The following IARS1 variants were observed in gnomAD, a reference collection of about 807,000 sequenced individuals.
IARS1 encodes isoleucine--tRNA ligase, cytoplasmic.
In IARS1, 124 loss-of-function variants were observed where a neutral mutation model predicts 168.2. That is an observed-to-expected ratio of 0.74 (90% CI 0.64 to 0.86). The LOEUF is 0.86. IARS1 is among the 40% of genes least tolerant of loss of function. IARS1 has a pLI of 0.00. For missense variants in IARS1, 1,452 were observed against 1,515.8 expected, an observed-to-expected ratio of 0.96 and a Z score of 0.70; for synonymous variants, 532 against 529.4, an observed-to-expected ratio of 1.00 and a Z score of -0.07.
chr9:92,287,684 C>T, intron 4 of IARS1, 107 bp downstream of exon 4: 1 of 1,256,184 alleles, frequency 8.0e-7, no homozygotes, highest in Non-Finnish European at 1.1e-6. Context: ...AACACTTTTT[C>T]TACAAAAAAT....
Position 92,256,804 on chromosome 9 carries a change from G to C in IARS1, c.2017-4C>G. On this transcript the variant is annotated splice_polypyrimidine_tract_variant and splice_region_variant and intron_variant, in intron 19 of 33. Coordinates refer to ENST00000443024, the MANE Select transcript of IARS1 (RefSeq NM_002161.6). ...AGAGAAATTCTATTTCTTCCTCCTA[G>C]GAAGGAACAATTAATGAAACACTGG... 6.2e-7 allele frequency: 1 copy of C among 1,607,084 alleles called. No homozygotes were observed. Among genetic ancestry groups the C allele is most frequent in the Non-Finnish European group, 8.5e-7 (1 of 1,175,670 alleles).
intron 9 of IARS1, among the ~76,000 whole-genome samples, chr9:92,277,154 T>A (rs186586545): frequency 8.5e-4 from 129 of 152,262 alleles, no homozygotes; most frequent in African/African-American, 2.8e-3. Context: ...TGTAAAATGA[T>A]TCCTCATACA....
intron 6 of IARS1, among the ~76,000 whole-genome samples, chr9:92,281,471 T>C (rs1408272461): frequency 1.3e-5 from 2 of 152,076 alleles, no homozygotes; most frequent in African/African-American, 2.4e-5. Flanking sequence ...AGTAGGAACA[T>C]ATGATGGAGG....
At position 92,220,005 on chromosome 9, in the gene IARS1, C is replaced by T. The variant is rs1587697022; in HGVS notation, c.3706+2515G>A. Among the ~76,000 whole-genome samples, 6 of 147,844 alleles carry T rather than the reference C, an allele frequency of 4.1e-5. No homozygotes were observed. The South Asian group carries it at 1.3e-3, about 32-fold the overall frequency. On this transcript the variant is annotated intron_variant, in intron 33 of 33. Coordinates refer to ENST00000443024, the MANE Select transcript of IARS1 (RefSeq NM_002161.6). ...GCGGCATTATTCACAATAGCAAAGACTTGGAACCAACCCAAATGTCCAACA... is the reference window on the plus strand; with the variant it reads ...GCGGCATTATTCACAATAGCAAAGATTTGGAACCAACCCAAATGTCCAACA...
At position 92,260,120 on chromosome 9, in the gene IARS1, G is replaced by T. The variant is rs746263126; in HGVS notation, c.1871+31C>A. 3.4e-6 allele frequency: 5 copies of T among 1,450,882 alleles called. No individual in the cohort carries two copies. The South Asian group carries it at 4.6e-5, about 13-fold the overall frequency. The allele number at this position is 1,450,882 out of a possible 1,614,324, so 89.9% of individuals were successfully genotyped here. A position where few individuals can be genotyped will look rare whatever the true frequency, so the allele number is the denominator to read the frequency against. Reference sequence around the variant, plus strand: ...GAGATGCTTACATAAAAAAACAATAGATACACACAAGGCAAAGCACTGGTT... The same window carrying T: ...GAGATGCTTACATAAAAAAACAATATATACACACAAGGCAAAGCACTGGTT... On this transcript the variant is annotated intron_variant, in intron 18 of 33. Coordinates refer to ENST00000443024, the MANE Select transcript of IARS1 (RefSeq NM_002161.6).
intron 10 of IARS1, among the ~76,000 whole-genome samples, chr9:92,272,354 G>C (rs1276097567): frequency 1.3e-5 from 2 of 152,180 alleles, no homozygotes; most frequent in Non-Finnish European, 1.5e-5. Flanking sequence ...GGGTAGACAG[G>C]AAAAGCCCCT....
intron 25 of IARS1, among the ~76,000 whole-genome samples, chr9:92,248,291 C>G (rs745985577): frequency 2.6e-5 from 4 of 152,148 alleles, no homozygotes; most frequent in Non-Finnish European, 5.9e-5. Context: ...AAAATGAGAA[C>G]AGCTTGAAGC....
intron 30 of IARS1, among the ~76,000 whole-genome samples, chr9:92,231,762 A>T (rs760116521): frequency 1.3e-5 from 2 of 152,090 alleles, no homozygotes; most frequent in African/African-American, 2.4e-5. Context: ...TGGTATGGTC[A>T]AAAATTAATT....
At chr9:92,238,179 C>T (rs1420466900) in intron 30 of IARS1, among the ~76,000 whole-genome samples, 1 of 152,200 alleles carries the variant, frequency 6.6e-6, no homozygotes, top group Admixed American at 6.5e-5. Context: ...GTTGGGATTA[C>T]AGGCGTGAGC....
At position 92,228,988 on chromosome 9, in the gene IARS1, A is replaced by G; in HGVS notation, c.3409+13T>C. 1 of 1,613,806 alleles carries G rather than the reference A, an allele frequency of 6.2e-7. No homozygotes were observed. Among genetic ancestry groups the G allele is most frequent in the South Asian group, 1.1e-5 (1 of 90,982 alleles). On this transcript the variant is annotated intron_variant, in intron 31 of 33. Transcript: ENST00000443024. Reference sequence around the variant, plus strand: ...GAGTCAAAGGACGTAGGCTCCTCTCACTTTCCACATACCTGTTTCATCATG... The same window carrying G: ...GAGTCAAAGGACGTAGGCTCCTCTCGCTTTCCACATACCTGTTTCATCATG...
Position 92,269,995 on chromosome 9 carries a change from G to A in IARS1, c.1206-12C>T. ...GAGGAGTGTCTGATCTGGGGAAGCA[G>A]AAACACACACATAGCTGCTCAGGCT... On this transcript the variant is annotated splice_polypyrimidine_tract_variant and intron_variant, in intron 12 of 33. Transcript: ENST00000443024. 6.4e-7 allele frequency: 1 copy of A among 1,572,524 alleles called. No homozygotes were observed. Among genetic ancestry groups the A allele is most frequent in the Non-Finnish European group, 8.8e-7 (1 of 1,142,198 alleles).
chr9:92,266,739 G>A (rs1165315466), intron 14 of IARS1, among the ~76,000 whole-genome samples: 1 of 152,066 alleles, frequency 6.6e-6, no homozygotes, highest in Non-Finnish European at 1.5e-5. Context: ...CCCACCGCCC[G>A]TTTCTTCTCT....
intron 10 of IARS1, among the ~76,000 whole-genome samples, chr9:92,273,323 T>C (rs1292754277): frequency 6.6e-6 from 1 of 152,130 alleles, no homozygotes; most frequent in Non-Finnish European, 1.5e-5. Flanking sequence ...GACCAGGTAT[T>C]AGGTGATTAT....
chr9:92,255,169 G>A (rs964106990), intron 20 of IARS1, among the ~76,000 whole-genome samples: 20 of 152,164 alleles, frequency 1.3e-4, no homozygotes, highest in Admixed American at 5.9e-4. Flanking sequence ...CTGGACTGTC[G>A]TGATCCTTCT....
At position 92,258,879 on chromosome 9, in the gene IARS1, A is replaced by G. The variant is rs773520012; in HGVS notation, c.1991T>C (p.Ile664Thr). Residue 664 changes from isoleucine (I) to threonine (T), a missense_variant, in exon 19 of 34, where the codon ATC (isoleucine) becomes ACC (threonine). Coordinates refer to ENST00000443024, the MANE Select transcript of IARS1 (RefSeq NM_002161.6). ...CTTCTGGAGCCTCAGAACGTTCTGG[A>G]TTAAGAAGCGATAGGCATTGTACCA... ...LPWYNAYRFLIQNVLRLQKEE... is the reference protein window; with the variant it reads ...LPWYNAYRFLTQNVLRLQKEE... 6.2e-7 allele frequency: 1 copy of G among 1,612,658 alleles called. No homozygotes were observed. The highest frequency in any genetic ancestry group is 8.5e-7 in the Non-Finnish European group (1 of 1,179,542).
intron 13 of IARS1, among the ~76,000 whole-genome samples, chr9:92,268,533 GTCC>G (rs1469263313): frequency 3.3e-5 from 5 of 152,150 alleles, no homozygotes; most frequent in Admixed American, 1.3e-4. Context: ...GGCCTCCCAT[GTCC>G]TCCTCTTCAA....
At chr9:92,289,235 C>T (rs1835936515) in intron 2 of IARS1, 66 bp downstream of exon 2, 2 of 588,766 alleles carry the variant, frequency 3.4e-6, no homozygotes, top group Non-Finnish European at 3.1e-6. Context: ...AAAGTATCTG[C>T]TTTAATGGAA....
intron 20 of IARS1, among the ~76,000 whole-genome samples, chr9:92,255,810 G>A (rs1241664213): frequency 8.3e-6 from 1 of 120,836 alleles, no homozygotes; most frequent in East Asian, 2.0e-4. Context: ...AGTGGCATCT[G>A]ATGGCACAAT....
At chr9:92,215,116 T>TGACCCCC (rs1838430511) in intron 33 of IARS1, among the ~76,000 whole-genome samples, 1 of 152,204 alleles carries the variant, frequency 6.6e-6, no homozygotes, top group African/African-American at 2.4e-5. Context: ...CCCTGACCCC[T>TGACCCCC]GACCCCCGAG....
Sources: gnomAD v4.1 joint callset for allele counts (sites outside exome capture counted in the v4.1 genomes callset) on GRCh38, gnomAD v4.1.1 for gene constraint, MANE v1.5 for transcripts, NCBI Gene and HGNC (gene_info 2026-07-23, HGNC 2026-07-21) for gene names.